Variants in UBE2W observed in about 807,000 individuals in gnomAD.
The protein encoded by UBE2W is ubiquitin-conjugating enzyme E2 W.
UBE2W carries 18 observed loss-of-function variants against 27.2 expected under a neutral mutation model. The observed-to-expected ratio is 0.66, with a 90% confidence interval of 0.46 to 0.98. The LOEUF (loss-of-function observed/expected upper bound fraction) is 0.98, where lower values mean the gene tolerates loss of function less well. UBE2W is among the 50% of genes least tolerant of loss of function. The pLI is 0.00. For missense variants in UBE2W, 90 were observed against 180.2 expected (o/e 0.50, Z 2.87); for synonymous variants, 53 against 57.2 (o/e 0.93, Z 0.33).
In UBE2W at chr8:73,792,223, A is replaced by G; in HGVS notation, c.*1879T>C. 2 of 985,752 alleles carry G rather than the reference A, an allele frequency of 2.0e-6. No homozygotes were observed. The highest frequency in any genetic ancestry group is 9.4e-5 in the South Asian group (2 of 21,294). 61.1% of individuals were successfully genotyped at this position (985,752 alleles called of 1,614,324 possible). On this transcript the variant is annotated 3_prime_UTR_variant, in exon 6 of 6. Coordinates refer to ENST00000602593, the MANE Select transcript of UBE2W (RefSeq NM_018299.6). ...AAACAGGCCAACTAATAAAACTGAC[A>G]GAGATCATTGTGAGAATTTATCTAG...
At chr8:73,813,262 A>G (rs1228899538) in intron 3 of UBE2W, among the ~76,000 whole-genome samples, 1 of 152,142 alleles carries the variant, frequency 6.6e-6, no homozygotes, top group Non-Finnish European at 1.5e-5. Context: ...TATAAACTAA[A>G]TCACTTGGCC....
chr8:73,870,557 A>C (rs946236314), intron 1 of UBE2W, among the ~76,000 whole-genome samples: 7 of 152,144 alleles, frequency 4.6e-5, no homozygotes, highest in African/African-American at 1.4e-4. Context: ...TTAAACAACA[A>C]CACTAGAATT....
chr8:73,806,247 CG>C (rs1393300350), intron 4 of UBE2W, among the ~76,000 whole-genome samples: 1 of 151,918 alleles, frequency 6.6e-6, no homozygotes, highest in Non-Finnish European at 1.5e-5. Context: ...TAAACATAGC[CG>C]GGCGCAGTGG....
chr8:73,786,337 G>A lies in UBE2W; in HGVS notation c.*7765C>T, dbSNP rs1807953533. ...GGTTCTGGATATATGTTTCAAAATAGCTAGCACCTAAGTTTCTTTGAGAAA... is the reference window on the plus strand; with the variant it reads ...GGTTCTGGATATATGTTTCAAAATAACTAGCACCTAAGTTTCTTTGAGAAA... On this transcript the variant is annotated 3_prime_UTR_variant, in exon 6 of 6. Coordinates refer to ENST00000602593, the MANE Select transcript of UBE2W (RefSeq NM_018299.6). The A allele has an allele frequency of 1.6e-5, 16 of 985,428 alleles. No homozygotes were observed. Among genetic ancestry groups the A allele is most frequent in the Non-Finnish European group, 1.9e-5 (16 of 829,922 alleles). The allele number at this position is 985,428 out of a possible 1,614,324, so 61.0% of individuals were successfully genotyped here.
downstream of UBE2W, among the ~76,000 whole-genome samples, chr8:73,782,048 C>A (rs1442250997): frequency 1.3e-5 from 2 of 148,796 alleles, no homozygotes; most frequent in African/African-American, 5.0e-5. Context: ...TCAAGCGATT[C>A]TTCTGCCTCA....
downstream of UBE2W, among the ~76,000 whole-genome samples, chr8:73,784,470 T>C (rs981163605): frequency 6.6e-6 from 1 of 152,204 alleles, no homozygotes; most frequent in Non-Finnish European, 1.5e-5. Context: ...ACTCCTCTAA[T>C]GCTTTCTAGG....
chr8:73,780,593 C>CGCG, intron 4 of UBE2W: 1 of 426,650 alleles, frequency 2.3e-6, no homozygotes, highest in Non-Finnish European at 4.7e-6. Context: ...AGTGCAGTGG[C>CGCG]ACAATGCAAC....
At chr8:73,824,517 T>C (rs569550562) in intron 3 of UBE2W, among the ~76,000 whole-genome samples, 141 of 152,338 alleles carry the variant, frequency 9.3e-4, no homozygotes, top group African/African-American at 3.2e-3. Flanking sequence ...CCTCCAGTTA[T>C]TCCAAAATGT....
At position 73,791,597 on chromosome 8, in the gene UBE2W, TC is replaced by T. The variant is rs1808202774; in HGVS notation, c.*2504del. On this transcript the variant is annotated 3_prime_UTR_variant, in exon 6 of 6. Transcript: ENST00000602593. ...TATTATTACAAGCCATTAATTGCTCTCTGTAGAGCAATGACTCAGATAAATG... is the reference window on the plus strand; with the variant it reads ...TATTATTACAAGCCATTAATTGCTCTTGTAGAGCAATGACTCAGATAAATG... The T allele has an allele frequency of 1.0e-6, 1 of 985,110 alleles. No individual in the cohort carries two copies. Among genetic ancestry groups the T allele is most frequent in the Non-Finnish European group, 1.2e-6 (1 of 829,776 alleles). 61.0% of individuals were successfully genotyped at this position (985,110 alleles called of 1,614,324 possible). A position where few individuals can be genotyped will look rare whatever the true frequency, so the allele number is the denominator to read the frequency against.
chr8:73,845,105 C>T (rs918608042), intron 1 of UBE2W, among the ~76,000 whole-genome samples: 1 of 151,940 alleles, frequency 6.6e-6, no homozygotes, highest in Non-Finnish European at 1.5e-5. Context: ...GGGGCAGCCC[C>T]CGCCTGGCCG....
At chr8:73,844,667 C>T (rs1209500403) in intron 1 of UBE2W, among the ~76,000 whole-genome samples, 10 of 151,076 alleles carry the variant, frequency 6.6e-5, no homozygotes, top group Admixed American at 1.3e-4. Flanking sequence ...GTCACAAGCG[C>T]CTCTTCCCGG....
chr8:73,780,184 C>T (rs1807816334), exon 5 of UBE2W: 1 of 164,612 alleles, frequency 6.1e-6, no homozygotes, highest in Non-Finnish European at 1.3e-5. Flanking sequence ...ATGTTCTCTC[C>T]CACAGCTCTA....
intron 1 of UBE2W, 29 bp downstream of exon 1, chr8:73,878,779 C>A: frequency 6.5e-7 from 1 of 1,535,088 alleles, no homozygotes; most frequent in Non-Finnish European, 8.8e-7. Context: ...GGCTCCCTGG[C>A]CCGCCCAGAT....
chr8:73,813,316 G>A (rs1169661412), intron 3 of UBE2W, among the ~76,000 whole-genome samples: 1 of 152,140 alleles, frequency 6.6e-6, no homozygotes, highest in East Asian at 1.9e-4. Context: ...ACTCAGGAGA[G>A]AAGAGAAAGA....
At chr8:73,832,513 G>A (rs1033805808) in intron 1 of UBE2W, among the ~76,000 whole-genome samples, 2 of 152,088 alleles carry the variant, frequency 1.3e-5, no homozygotes, top group Non-Finnish European at 2.9e-5. Context: ...TTCACAAAAC[G>A]AATCGATTTC....
chr8:73,873,954 G>C lies in UBE2W; in HGVS notation c.15+4854C>G, dbSNP rs1244385280. ...GATCTTAAGACACAACGTAACAGGAGGTTTTATCTAAAATTAACAATTCTA... is the reference window on the plus strand; with the variant it reads ...GATCTTAAGACACAACGTAACAGGACGTTTTATCTAAAATTAACAATTCTA... On this transcript the variant is annotated intron_variant, in intron 1 of 5. Coordinates refer to ENST00000602593, the MANE Select transcript of UBE2W (RefSeq NM_018299.6). Among the ~76,000 whole-genome samples the C allele has an allele frequency of 2.0e-5, 3 of 152,124 alleles. No individual in the cohort carries two copies. The East Asian group carries it at 5.8e-4, about 29-fold the overall frequency.
In UBE2W at chr8:73,793,955, C is replaced by T; in HGVS notation, c.*147G>A. ...CAGCGATCAACATGCGCCCAGAATGCACACGAGTAAAAATGCAGTAAAAGG... is the reference window on the plus strand; with the variant it reads ...CAGCGATCAACATGCGCCCAGAATGTACACGAGTAAAAATGCAGTAAAAGG... On this transcript the variant is annotated 3_prime_UTR_variant, in exon 6 of 6. Transcript: ENST00000602593. 4.1e-6 allele frequency: 6 copies of T among 1,472,018 alleles called. No homozygotes were observed. The South Asian group carries it at 8.6e-5, about 21-fold the overall frequency. The allele number at this position is 1,472,018 out of a possible 1,614,324, so 91.2% of individuals were successfully genotyped here. A position where few individuals can be genotyped will look rare whatever the true frequency, so the allele number is the denominator to read the frequency against.
In UBE2W at chr8:73,865,211, C is replaced by T. The variant is rs1350556100; in HGVS notation, c.15+13597G>A. ...AAAAAAAAAAAAAAAAAAAAAAGCA[C>T]TGCGAGTATCAATTTTAGGGTTACA... On this transcript the variant is annotated intron_variant, in intron 1 of 5. Coordinates refer to ENST00000602593, the MANE Select transcript of UBE2W (RefSeq NM_018299.6). 6.3e-5 allele frequency among the ~76,000 whole-genome samples: 7 copies of T among 110,832 alleles called. No homozygotes were observed. In the Admixed American group the frequency reaches 6.3e-4, roughly 10 times the overall value. The allele number at this position is 110,832 out of a possible 152,430, so 72.7% of individuals were successfully genotyped here. A position where few individuals can be genotyped will look rare whatever the true frequency, so the allele number is the denominator to read the frequency against.
chr8:73,834,605 T>C (rs913420412), intron 1 of UBE2W, among the ~76,000 whole-genome samples: 2 of 151,802 alleles, frequency 1.3e-5, no homozygotes, highest in Admixed American at 6.6e-5. Context: ...AGCAAGAACT[T>C]GTCTCTAATA....
Sources: gnomAD v4.1 joint callset for allele counts (sites outside exome capture counted in the v4.1 genomes callset) on GRCh38, gnomAD v4.1.1 for gene constraint, MANE v1.5 for transcripts, NCBI Gene and HGNC (gene_info 2026-07-23, HGNC 2026-07-21) for gene names.